Variants in RUNDC3B observed in about 807,000 individuals in gnomAD.
RUNDC3B encodes the protein RUN domain containing 3B.
In RUNDC3B, 33 loss-of-function variants were observed where a neutral mutation model predicts 58.4. The ratio of observed to expected loss-of-function variants is 0.56; its 90% CI spans 0.43 to 0.75. The LOEUF is 0.75. RUNDC3B is among the 30% of genes least tolerant of loss of function. The probability of loss-of-function intolerance (pLI) is 0.00; values close to 1 mark genes in which losing one functional copy is unlikely to be tolerated. For synonymous variants in RUNDC3B, 193 were observed against 195.2 expected (o/e 0.99, Z 0.10); for missense variants, 501 against 535.7 (o/e 0.94, Z 0.64).
chr7:87,720,558 G>T (rs948303551), intron 4 of RUNDC3B, among the ~76,000 whole-genome samples: 1 of 150,920 alleles, frequency 6.6e-6, no homozygotes, highest in Admixed American at 6.6e-5. Flanking sequence ...GTGTGTGTGT[G>T]TGTGTGTGTG....
At chr7:87,827,744 C>A (rs1480298333) in intron 10 of RUNDC3B, among the ~76,000 whole-genome samples, 2 of 152,072 alleles carry the variant, frequency 1.3e-5, no homozygotes, top group Non-Finnish European at 2.9e-5. Flanking sequence ...ATATAATACA[C>A]CTAAACAACA....
chr7:87,827,959 T>A (rs987570963), intron 10 of RUNDC3B, among the ~76,000 whole-genome samples: 2 of 152,084 alleles, frequency 1.3e-5, no homozygotes, highest in African/African-American at 4.8e-5. Flanking sequence ...TCCTGACCAT[T>A]CTGGGCAACA....
At chr7:87,698,133 T>G (rs1356451454) in intron 2 of RUNDC3B, among the ~76,000 whole-genome samples, 1 of 152,222 alleles carries the variant, frequency 6.6e-6, no homozygotes, top group Non-Finnish European at 1.5e-5. Flanking sequence ...GAAGTCTCAC[T>G]CTGTCACCCA....
chr7:87,770,508 G>T, intron 6 of RUNDC3B, 73 bp from the exon 7 acceptor site: 1 of 1,165,680 alleles, frequency 8.6e-7, no homozygotes, highest in Admixed American at 2.4e-5. Flanking sequence ...ACCGTAGCTT[G>T]CAAATGTAAA....
intron 8 of RUNDC3B, among the ~76,000 whole-genome samples, chr7:87,785,637 A>G (rs1459682458): frequency 2.6e-5 from 4 of 152,262 alleles, no homozygotes; most frequent in South Asian, 2.1e-4. Context: ...CTGGAAGACA[A>G]GGGGGCATGT....
intron 2 of RUNDC3B, among the ~76,000 whole-genome samples, chr7:87,658,704 C>A (rs1046157617): frequency 2.0e-5 from 3 of 152,068 alleles, no homozygotes; most frequent in African/African-American, 7.2e-5. Flanking sequence ...CCATGGAGGC[C>A]AGGAGGAAGT....
At chr7:87,651,469 A>G (rs1358587833) in intron 2 of RUNDC3B, among the ~76,000 whole-genome samples, 1 of 152,130 alleles carries the variant, frequency 6.6e-6, no homozygotes, top group Non-Finnish European at 1.5e-5. Context: ...TGAATTTTAG[A>G]TTCTTTAAAT....
chr7:87,658,147 G>A (rs764319155), intron 2 of RUNDC3B, among the ~76,000 whole-genome samples: 1 of 152,094 alleles, frequency 6.6e-6, no homozygotes, highest in Non-Finnish European at 1.5e-5. Flanking sequence ...AATGCTTTGA[G>A]CAATACATGT....
At chr7:87,799,746 G>T (rs1379765709) in intron 8 of RUNDC3B, among the ~76,000 whole-genome samples, 1 of 152,058 alleles carries the variant, frequency 6.6e-6, no homozygotes, top group African/African-American at 2.4e-5. Flanking sequence ...AATTAGCTGG[G>T]CATGGTGGCG....
intron 1 of RUNDC3B, 57 bp downstream of exon 1, chr7:87,629,002 C>T (rs1040436652): frequency 2.0e-5 from 26 of 1,290,362 alleles, no homozygotes; most frequent in Non-Finnish European, 2.6e-5. Context: ...GAGCTCTGGG[C>T]TTCCGCGCGG....
intron 8 of RUNDC3B, among the ~76,000 whole-genome samples, chr7:87,790,119 G>A (rs1456186732): frequency 6.6e-6 from 1 of 152,206 alleles, no homozygotes; most frequent in Non-Finnish European, 1.5e-5. Context: ...TGCAGTCCCA[G>A]TGATGGTGGC....
chr7:87,764,503 C>T (rs1420748842), intron 6 of RUNDC3B, among the ~76,000 whole-genome samples: 1 of 151,700 alleles, frequency 6.6e-6, no homozygotes, highest in African/African-American at 2.4e-5. Flanking sequence ...TCTAGTGTAA[C>T]CATCTCAAAT....
chr7:87,804,017 T>C (rs1244707429), intron 8 of RUNDC3B, among the ~76,000 whole-genome samples: 2 of 152,118 alleles, frequency 1.3e-5, no homozygotes, highest in African/African-American at 4.8e-5. Flanking sequence ...AAGTAGCTTA[T>C]AATCAAAGTA....
intron 10 of RUNDC3B, among the ~76,000 whole-genome samples, chr7:87,824,828 AT>A (rs1274397001): frequency 6.6e-6 from 1 of 152,192 alleles, no homozygotes; most frequent in Non-Finnish European, 1.5e-5. Flanking sequence ...GACTGGCAGC[AT>A]TTTGCCCCTG....
At chr7:87,710,270 T>A (rs1228230896) in intron 3 of RUNDC3B, among the ~76,000 whole-genome samples, 1 of 152,182 alleles carries the variant, frequency 6.6e-6, no homozygotes, top group Non-Finnish European at 1.5e-5. Flanking sequence ...ATATCTTATA[T>A]AATTACATCA....
intron 2 of RUNDC3B, among the ~76,000 whole-genome samples, chr7:87,684,262 A>C (rs1222067129): frequency 6.6e-6 from 1 of 152,186 alleles, no homozygotes; most frequent in East Asian, 1.9e-4. Context: ...AGTTCTTTTC[A>C]TATTGTTTTA....
chr7:87,791,431 A>G (rs1835516603), intron 8 of RUNDC3B, among the ~76,000 whole-genome samples: 1 of 152,168 alleles, frequency 6.6e-6, no homozygotes, highest in African/African-American at 2.4e-5. Flanking sequence ...AAAACAGACT[A>G]TTATAGTACT....
At chr7:87,692,748 G>A (rs918236826) in intron 2 of RUNDC3B, among the ~76,000 whole-genome samples, 2 of 152,124 alleles carry the variant, frequency 1.3e-5, no homozygotes, top group Non-Finnish European at 2.9e-5. Flanking sequence ...GCAATGAAAA[G>A]CATTCTATTC....
At chr7:87,641,344 T>C (rs1480219856) in intron 1 of RUNDC3B, among the ~76,000 whole-genome samples, 1 of 152,226 alleles carries the variant, frequency 6.6e-6, no homozygotes, top group East Asian at 1.9e-4. Flanking sequence ...TTTACTAGTG[T>C]TCATCTTCCT....
Sources: allele counts gnomAD v4.1 joint callset (sites outside exome capture counted in the v4.1 genomes callset), GRCh38; gene constraint gnomAD v4.1.1; transcripts MANE v1.5; gene names NCBI Gene and HGNC (gene_info 2026-07-23, HGNC 2026-07-21).